EXTL3: variants seen among roughly 807,000 people sequenced by gnomAD.
The protein encoded by EXTL3 is exostosin-like 3.
A neutral mutation model predicts 69.3 loss-of-function variants in EXTL3; 27 were observed. The observed-to-expected ratio is 0.39, with a 90% CI of 0.29 to 0.54. The LOEUF (loss-of-function observed/expected upper bound fraction) is 0.54. Ranked by LOEUF, EXTL3 falls within the 20% of genes least tolerant of loss-of-function variation. The pLI is 0.69. For missense variants in EXTL3, 1,003 were observed against 1,231.8 expected, an observed-to-expected ratio of 0.81 and a Z score of 2.78; for synonymous variants, 511 against 499.4, an observed-to-expected ratio of 1.02 and a Z score of -0.31.
chr8:28,737,499 A>G lies in EXTL3; in HGVS notation c.2277-20A>G, dbSNP rs756315681. ...TAGAGCTCTGTATTCAGGTCTGTGT[A>G]TGCACTTGTGTTTTTCAAGGGTGTG... On this transcript the variant is annotated intron_variant, in intron 4 of 6. Transcript: ENST00000220562. 2.5e-6 allele frequency: 4 copies of G among 1,613,918 alleles called. No individual in the cohort carries two copies. The highest frequency in any genetic ancestry group is 1.3e-5 in the African/African-American group (1 of 75,042).
At position 28,751,002 on chromosome 8, in the gene EXTL3, G is replaced by A; in HGVS notation, c.*136G>A. 1.3e-6 allele frequency: 1 copy of A among 742,212 alleles called. No homozygotes were observed. Among genetic ancestry groups the A allele is most frequent in the Non-Finnish European group, 2.2e-6 (1 of 445,186 alleles). 46.0% of individuals were successfully genotyped at this position (742,212 alleles called of 1,614,324 possible). ...TCTGCTGGAAGGGGCAGCAGGAGGA[G>A]TGGAAGGAAACCGCTGCCTTTATCT... On this transcript the variant is annotated 3_prime_UTR_variant, in exon 7 of 7. Transcript: ENST00000220562.
chr8:28,659,360 G>A (rs750251451), intron 1 of EXTL3, among the ~76,000 whole-genome samples: 5 of 151,724 alleles, frequency 3.3e-5, no homozygotes, highest in Non-Finnish European at 5.9e-5. Context: ...ATATAATACT[G>A]CACCCTAGGA....
chr8:28,646,831 C>T (rs893307), intron 1 of EXTL3, among the ~76,000 whole-genome samples: 49,257 of 152,018 alleles, frequency 0.32, 8,679 homozygotes, highest in African/African-American at 0.46. Flanking sequence ...GTTGTAAGGA[C>T]TAAATGAGAT....
intron 1 of EXTL3, among the ~76,000 whole-genome samples, chr8:28,702,513 C>T (rs1213061146): frequency 6.6e-6 from 1 of 152,170 alleles, no homozygotes; most frequent in Non-Finnish European, 1.5e-5. Flanking sequence ...TTAATAAAAT[C>T]TGTTTGGCTC....
intron 1 of EXTL3, among the ~76,000 whole-genome samples, chr8:28,703,987 T>C (rs1800866741): frequency 6.6e-6 from 1 of 152,202 alleles, no homozygotes; most frequent in Admixed American, 6.5e-5. Context: ...GTTTGTGAGC[T>C]CAAGAGGGAC....
chr8:28,753,700 T>A lies in EXTL3; in HGVS notation c.*2834T>A, dbSNP rs1243783115. On this transcript the variant is annotated 3_prime_UTR_variant, in exon 7 of 7. Coordinates refer to ENST00000220562, the MANE Select transcript of EXTL3 (RefSeq NM_001440.4). ...GACTTTAACTCAAGCAGCTTGGAGGTCTTTTGTGGTTTTCCTCAGCAAGTA... is the reference window on the plus strand; with the variant it reads ...GACTTTAACTCAAGCAGCTTGGAGGACTTTTGTGGTTTTCCTCAGCAAGTA... The A allele has an allele frequency of 6.6e-6, 1 of 152,154 alleles. No individual in the cohort carries two copies. The highest frequency in any genetic ancestry group is 1.5e-5 in the Non-Finnish European group (1 of 67,920). The allele number at this position is 152,154 out of a possible 1,614,324, so 9.4% of individuals were successfully genotyped here.
chr8:28,675,574 C>T (rs1807368168), intron 1 of EXTL3, among the ~76,000 whole-genome samples: 1 of 152,200 alleles, frequency 6.6e-6, no homozygotes, highest in Admixed American at 6.5e-5. Flanking sequence ...TCTTACTACC[C>T]TACTACCCAT....
At chr8:28,736,540 C>A (rs1313345148) in intron 4 of EXTL3, among the ~76,000 whole-genome samples, 1 of 152,216 alleles carries the variant, frequency 6.6e-6, no homozygotes, top group African/African-American at 2.4e-5. Context: ...CCATTTATTT[C>A]TTCCATTTAA....
At chr8:28,619,826 G>A (rs1043577431), upstream of EXTL3, among the ~76,000 whole-genome samples, 5 of 124,446 alleles carry the variant, frequency 4.0e-5, no homozygotes, top group South Asian at 2.9e-4. Context: ...TCCGTACACC[G>A]CCGACAGGGC....
At chr8:28,690,855 C>A (rs968772264) in intron 1 of EXTL3, among the ~76,000 whole-genome samples, 2 of 152,172 alleles carry the variant, frequency 1.3e-5, no homozygotes, top group African/African-American at 2.4e-5. Flanking sequence ...ATTGGCCACA[C>A]AGATGGATCC....
chr8:28,615,013 G>A (rs1040394094), intron 2 of EXTL3, among the ~76,000 whole-genome samples: 11 of 21,102 alleles, frequency 5.2e-4, no homozygotes, highest in East Asian at 3.7e-3. Flanking sequence ...TCCCACCCCC[G>A]CCCTCCAAAT....
intron 1 of EXTL3, among the ~76,000 whole-genome samples, chr8:28,632,580 G>A (rs757073236): frequency 1.1e-4 from 15 of 141,384 alleles, no homozygotes; most frequent in South Asian, 6.7e-4. Flanking sequence ...TTTGAGAGGA[G>A]TCTTGCTGTG....
intron 1 of EXTL3, among the ~76,000 whole-genome samples, chr8:28,711,052 AATAGTT>A (rs1485418990): frequency 6.6e-6 from 1 of 152,206 alleles, no homozygotes; most frequent in Admixed American, 6.5e-5. Flanking sequence ...CAGTTTACTT[AATAGTT>A]ATAAAACTAA....
At chr8:28,728,112 C>T (rs1382173269) in intron 3 of EXTL3, among the ~76,000 whole-genome samples, 1 of 152,104 alleles carries the variant, frequency 6.6e-6, no homozygotes, top group Non-Finnish European at 1.5e-5. Context: ...AGTGAATGTT[C>T]GAGGGGAGTT....
In EXTL3 at chr8:28,717,101, G is replaced by T. The variant is rs746425652; in HGVS notation, c.1042G>T (p.Glu348Ter). ...KRKYLFTFQGEKIESLRSSLQ... is the reference protein window; with the variant it reads ...KRKYLFTFQG ...GAAATATCTCTTCACCTTCCAGGGC[G>T]AGAAGATTGAGTCTCTGAGGTCTAG... Residue 348 changes from glutamate (E) to a stop codon, truncating the protein, a stop_gained, in exon 3 of 7, where the codon GAG (glutamate) becomes TAG (stop). Coordinates refer to ENST00000220562, the MANE Select transcript of EXTL3 (RefSeq NM_001440.4). LOFTEE classifies it high-confidence loss of function. This position sits in a 1 kb window ranked among gnomAD's most constrained non-coding sequence, Gnocchi z 8.3. 6.2e-7 allele frequency: 1 copy of T among 1,614,228 alleles called. No individual in the cohort carries two copies. The highest frequency in any genetic ancestry group is 8.5e-7 in the Non-Finnish European group (1 of 1,180,040).
chr8:28,733,730 A>T (rs1003648426), intron 4 of EXTL3, among the ~76,000 whole-genome samples: 1 of 150,858 alleles, frequency 6.6e-6, no homozygotes, highest in African/African-American at 2.4e-5. Flanking sequence ...GCTTCTTTTC[A>T]TGCGCTTATT....
rs532488629 is a variant in EXTL3, at chr8:28,681,920, G to A, written c.-52-31537G>A. ...AATACAAAATTAGCCAGGCGTGGTG[G>A]CACATGCCTGTAGTCCCAGTTCCAG... is the stretch of plus-strand genomic sequence containing the variant. On this transcript the variant is annotated intron_variant, in intron 1 of 6. Transcript: ENST00000523149. Among the ~76,000 whole-genome samples the A allele has an allele frequency of 2.6e-5, 4 of 152,248 alleles. No homozygotes were observed. The East Asian group carries it at 5.8e-4, about 22-fold the overall frequency.
chr8:28,633,981 G>A (rs1204309232), intron 1 of EXTL3, among the ~76,000 whole-genome samples: 1 of 152,166 alleles, frequency 6.6e-6, no homozygotes. Context: ...AATCTGGTAG[G>A]AGTGGAAATC....
At chr8:28,713,367 A>G (rs1801071031) in intron 1 of EXTL3, 90 bp from the exon 2 acceptor site, 2 of 612,422 alleles carry the variant, frequency 3.3e-6, no homozygotes, top group South Asian at 4.0e-5. Context: ...GACAGTAAAT[A>G]GGTTCTTTAA....
Sources: gnomAD v4.1 joint callset for allele counts (sites outside exome capture counted in the v4.1 genomes callset) on GRCh38, gnomAD v4.1.1 for gene constraint, Gnocchi (gnomAD v3.1) non-coding constraint, MANE v1.5 for transcripts, NCBI Gene and HGNC (gene_info 2026-07-23, HGNC 2026-07-21) for gene names.